NFATC2: variants seen among roughly 807,000 people sequenced by gnomAD.
NFATC2 encodes nuclear factor of activated T cells 2, also known as nuclear factor of activated T-cells, cytoplasmic 2.
Under a neutral mutation model 87.3 loss-of-function variants are expected in NFATC2, and 22 were observed. That is an observed-to-expected ratio of 0.25 (90% CI 0.18 to 0.36). The LOEUF is 0.36. NFATC2 is among the 10% of genes least tolerant of loss of function. The pLI, the probability that NFATC2 is intolerant of heterozygous loss-of-function variation, is 1.00. For synonymous variants in NFATC2, 565 were observed against 542.2 expected (o/e 1.04, Z -0.58); for missense variants, 1,149 against 1,259.1 (o/e 0.91, Z 1.32).
At chr20:51,539,230 A>G (rs2076767216) in intron 1 of NFATC2, among the ~76,000 whole-genome samples, 1 of 152,208 alleles carries the variant, frequency 6.6e-6, no homozygotes, top group African/African-American at 2.4e-5. Flanking sequence ...CATTAGCAGT[A>G]CCTTTCCTTC....
chr20:51,550,388 C>T (rs1379638281), intron 1 of NFATC2, among the ~76,000 whole-genome samples: 7 of 152,022 alleles, frequency 4.6e-5, no homozygotes, highest in South Asian at 2.1e-4. Flanking sequence ...GTCAGGAGTT[C>T]GAGACCAGCC....
upstream of NFATC2, among the ~76,000 whole-genome samples, chr20:51,547,193 G>C (rs2076896451): frequency 1.3e-5 from 2 of 152,198 alleles, no homozygotes; most frequent in African/African-American, 4.8e-5. Context: ...GGAGGACCAA[G>C]TAGATGGTTC....
chr20:51,397,913 A>G (rs1324165822), intron 10 of NFATC2, among the ~76,000 whole-genome samples: 1 of 152,182 alleles, frequency 6.6e-6, no homozygotes, highest in Non-Finnish European at 1.5e-5. Context: ...GAGGTAATGC[A>G]ACCTTCCTTC....
intron 5 of NFATC2, among the ~76,000 whole-genome samples, chr20:51,473,680 G>C (rs1208555312): frequency 1.3e-5 from 2 of 152,196 alleles, no homozygotes; most frequent in African/African-American, 4.8e-5. Flanking sequence ...TTTAAGACCA[G>C]AATGATATTT....
rs1027691549 is a variant in NFATC2, at chr20:51,388,620, T to A, written c.*2876A>T. 6.6e-6 allele frequency: 1 copy of A among 152,080 alleles called. No individual in the cohort carries two copies. Among genetic ancestry groups the A allele is most frequent in the Non-Finnish European group, 1.5e-5 (1 of 68,002 alleles). 9.4% of individuals were successfully genotyped at this position (152,080 alleles called of 1,614,324 possible). A position where few individuals can be genotyped will look rare whatever the true frequency, so the allele number is the denominator to read the frequency against. On this transcript the variant is annotated 3_prime_UTR_variant, in exon 11 of 11. Transcript: ENST00000371564. The stretch of plus-strand genomic sequence containing the variant: ...ATATTTTGAGGACAGGTAAAAAGCA[T>A]AAAAATACAGGTAAGAAAATAAAAT...
At chr20:51,445,248 C>T (rs564267145) in intron 6 of NFATC2, among the ~76,000 whole-genome samples, 18 of 152,168 alleles carry the variant, frequency 1.2e-4, no homozygotes, top group Non-Finnish European at 2.4e-4. Flanking sequence ...ACGCACCAGC[C>T]GCCCGGGCCT....
chr20:51,540,952 G>A (rs2076807375), intron 1 of NFATC2, among the ~76,000 whole-genome samples: 1 of 152,070 alleles, frequency 6.6e-6, no homozygotes, highest in African/African-American at 2.4e-5. Context: ...ATTCTTAATT[G>A]TATCTTTTCA....
intron 3 of NFATC2, among the ~76,000 whole-genome samples, chr20:51,504,203 G>T (rs1473372951): frequency 1.3e-5 from 2 of 152,192 alleles, no homozygotes; most frequent in Non-Finnish European, 2.9e-5. Context: ...TGTATTTTTA[G>T]TAGAGATGGG....
chr20:51,520,785 C>T (rs1427205355), intron 2 of NFATC2, among the ~76,000 whole-genome samples: 1 of 151,950 alleles, frequency 6.6e-6, no homozygotes, highest in Non-Finnish European at 1.5e-5. Flanking sequence ...CTCAGCCTCC[C>T]GAGTAGCTGG....
chr20:51,510,569 C>G (rs2146668980), intron 3 of NFATC2, among the ~76,000 whole-genome samples: 1 of 152,342 alleles, frequency 6.6e-6, no homozygotes, highest in East Asian at 1.9e-4. Flanking sequence ...ATTGGTTCCT[C>G]TGAAAGAACC....
chr20:51,432,859 T>C lies in NFATC2; in HGVS notation c.2033-103A>G. ...TTGAGAACATGGCCTTGGGAGTCCA[T>C]ACGGGTGGGACAAACAGCTGGTCCC... On this transcript the variant is annotated intron_variant, in intron 8 of 10. Coordinates refer to ENST00000371564, the MANE Select transcript of NFATC2 (RefSeq NM_012340.5). This position sits in a 1 kb window ranked among gnomAD's most constrained non-coding sequence, Gnocchi z 4.6. The C allele has an allele frequency of 2.9e-6, 3 of 1,022,146 alleles. No individual in the cohort carries two copies. The highest frequency in any genetic ancestry group is 2.2e-5 in the South Asian group (1 of 46,200). The allele number at this position is 1,022,146 out of a possible 1,614,324, so 63.3% of individuals were successfully genotyped here. A position where few individuals can be genotyped will look rare whatever the true frequency, so the allele number is the denominator to read the frequency against.
intron 2 of NFATC2, among the ~76,000 whole-genome samples, chr20:51,521,527 G>A (rs1383976548): frequency 6.6e-6 from 1 of 152,220 alleles, no homozygotes; most frequent in African/African-American, 2.4e-5. Flanking sequence ...CGCCATGTTG[G>A]CAAGGCTGGT....
chr20:51,454,653 T>C lies in NFATC2; in HGVS notation c.1744A>G (p.Arg582Gly). 2.5e-6 allele frequency: 4 copies of C among 1,614,078 alleles called. No homozygotes were observed. Among genetic ancestry groups the C allele is most frequent in the Non-Finnish European group, 3.4e-6 (4 of 1,180,014 alleles). ...RSAHELPMVE[R>G]QDTDSCLVYG... ...ACCAGGCAGCTGTCTGTGTCTTGTC[T>C]TTCAACCATGGGCAGCTCGTGAGCA... is the stretch of plus-strand genomic sequence containing the variant. The change falls in exon 6 of 11, where the codon AGA becomes GGA. Residue 582 changes from arginine to glycine, a missense_variant. Arg to Gly is a moderately radical substitution (Grantham distance 125). This residue lies in a region of NFATC2 where 581 missense variants were observed against 649.7 expected (regional missense o/e 0.89). Transcript: ENST00000371564.
intron 10 of NFATC2, among the ~76,000 whole-genome samples, chr20:51,396,955 C>CAGGCTGGAGTGCAGT (rs1483387919): frequency 1.3e-5 from 2 of 152,250 alleles, no homozygotes; most frequent in East Asian, 1.9e-4. Context: ...CTCCGTCACA[C>CAGGCTGGAGTGCAGT]AGGCTGGAGT....
intron 3 of NFATC2, among the ~76,000 whole-genome samples, chr20:51,487,639 G>A (rs1304602292): frequency 6.6e-6 from 1 of 152,202 alleles, no homozygotes; most frequent in African/African-American, 2.4e-5. Flanking sequence ...CCAAGATGGT[G>A]AAGAGGCAAA....
chr20:51,533,941 C>T lies in NFATC2; in HGVS notation c.130+8429G>A, dbSNP rs1164047542. On this transcript the variant is annotated intron_variant, in intron 1 of 10. Transcript: ENST00000371564. ...ACACATAAGGACTCATCTCCATCTT[C>T]AAATCTGGATGGGAAGAACTGTCTC... Among the ~76,000 whole-genome samples, 3 of 152,230 alleles carry T rather than the reference C, an allele frequency of 2.0e-5. No individual in the cohort carries two copies. The East Asian group carries it at 5.8e-4, about 29-fold the overall frequency.
intron 3 of NFATC2, among the ~76,000 whole-genome samples, chr20:51,498,235 A>G (rs934451517): frequency 1.3e-5 from 2 of 152,116 alleles, no homozygotes; most frequent in East Asian, 3.9e-4. Context: ...TCCATCACCC[A>G]GACTCCCAGG....
chr20:51,470,189 TG>T (rs1383252230), intron 5 of NFATC2, among the ~76,000 whole-genome samples: 1 of 151,166 alleles, frequency 6.6e-6, no homozygotes, highest in East Asian at 1.9e-4. Flanking sequence ...TCCAGAGAAG[TG>T]GGAGGTGGGG....
chr20:51,425,172 G>A (rs1981600805), intron 9 of NFATC2, among the ~76,000 whole-genome samples: 1 of 152,142 alleles, frequency 6.6e-6, no homozygotes, highest in South Asian at 2.1e-4. Context: ...GACCAGAAGG[G>A]GGAAGACATC....
Sources: allele counts gnomAD v4.1 joint callset (sites outside exome capture counted in the v4.1 genomes callset), GRCh38; gene constraint gnomAD v4.1.1; regional missense constraint gnomAD v4.1.1; non-coding constraint Gnocchi (gnomAD v3.1); transcripts MANE v1.5; gene names NCBI Gene and HGNC (gene_info 2026-07-23, HGNC 2026-07-21).